Variants in BRWD1 observed in about 807,000 individuals in gnomAD.
The protein encoded by BRWD1 is bromodomain and WD repeat-containing protein 1.
BRWD1 carries 82 observed loss-of-function variants against 251.2 expected under a neutral mutation model. The ratio of observed to expected loss-of-function variants is 0.33; its 90% CI spans 0.27 to 0.39. The LOEUF (loss-of-function observed/expected upper bound fraction) is 0.39, where lower values mean the gene tolerates loss of function less well. Ranked by LOEUF, BRWD1 falls within the 10% of genes least tolerant of loss-of-function variation. BRWD1 has a pLI of 1.00. For missense variants in BRWD1, 2,233 were observed against 2,711.6 expected (o/e 0.82, Z 3.92); for synonymous variants, 918 against 902.8 (o/e 1.02, Z -0.30).
chr21:39,294,693 T>C (rs966015450), intron 7 of BRWD1, among the ~76,000 whole-genome samples: 10 of 150,298 alleles, frequency 6.7e-5, no homozygotes, highest in African/African-American at 2.2e-4. Flanking sequence ...TCAAGCTATA[T>C]AATGTGATGA....
intron 40 of BRWD1, 26 bp downstream of exon 40, chr21:39,198,737 G>T: frequency 6.5e-7 from 1 of 1,530,846 alleles, no homozygotes; most frequent in South Asian, 1.3e-5. Flanking sequence ...GTCAATCAGT[G>T]AACAAAGATA....
At chr21:39,286,240 C>T (rs2035634736) in intron 8 of BRWD1, among the ~76,000 whole-genome samples, 1 of 151,864 alleles carries the variant, frequency 6.6e-6, no homozygotes, top group Admixed American at 6.6e-5. Context: ...GGATGGTCTC[C>T]ATCTGCTGAC....
In BRWD1 at chr21:39,277,448, A is replaced by G. The variant is rs187495402; in HGVS notation, c.1004-97T>C. 4.0e-6 allele frequency: 3 copies of G among 746,236 alleles called. No homozygotes were observed. The East Asian group carries it at 9.4e-5, about 23-fold the overall frequency. 46.2% of individuals were successfully genotyped at this position (746,236 alleles called of 1,614,324 possible). ...AAAATATAAAAAAGAAAGATCATTT[A>G]CCCTAAAACTAAGTTTATCTCAACA... On this transcript the variant is annotated intron_variant, in intron 10 of 40. Coordinates refer to ENST00000342449, the MANE Select transcript of BRWD1 (RefSeq NM_033656.4).
rs777983274 is a variant in BRWD1, at chr21:39,293,804, A to C, written c.831+7T>G. 11 of 1,610,850 alleles carry C rather than the reference A, an allele frequency of 6.8e-6. No individual in the cohort carries two copies. The highest frequency in any genetic ancestry group is 1.7e-4 in the Middle Eastern group (1 of 6,060). ...ATAGGAATGTGCCCACTAAGCTACA[A>C]GTTTACCTGTAAAGATGTAATTGAT... On this transcript the variant is annotated splice_region_variant and intron_variant, in intron 8 of 40. Transcript: ENST00000342449.
Position 39,265,000 on chromosome 21 carries a change from C to T in BRWD1, c.1550G>A (p.Gly517Glu). The change falls in exon 16 of 41, where the codon GGA (glycine) becomes GAA (glutamate). Residue 517 changes from glycine to glutamate, a missense_variant. This residue lies in a region of BRWD1 where 315 missense variants were observed against 421.8 expected (regional missense o/e 0.75). Transcript: ENST00000342449. ...YFNMIEGQGH[G>E]AVFDCKFSQD... ...TGAAAACTTACAGTCAAACACAGCT[C>T]CATGTCCTTGTCCTTCAATCTAGGA... is the stretch of plus-strand genomic sequence containing the variant. 1 of 1,613,522 alleles carries T rather than the reference C, an allele frequency of 6.2e-7. No homozygotes were observed.
chr21:39,248,452 C>T (rs1397839059), intron 20 of BRWD1, among the ~76,000 whole-genome samples: 1 of 151,292 alleles, frequency 6.6e-6, no homozygotes, highest in Non-Finnish European at 1.5e-5. Flanking sequence ...CCCTAAAAAA[C>T]AACAAAAACA....
chr21:39,196,932 C>G lies in BRWD1; in HGVS notation c.6137G>C (p.Ser2046Thr). ...TTCTCCTGAAGATGTAACAGAGGAA[C>G]TTTTTCTTTTAGAAGGTGCATCTAT... Reference protein sequence around the residue: ...HKIDAPSKRKSSSVTSSGEDS... With the variant: ...HKIDAPSKRKTSSVTSSGEDS... Residue 2046 changes from serine (S) to threonine (T), a missense_variant, in exon 41 of 41, where the codon AGT becomes ACT. Physicochemically the swap from Ser to Thr is moderately conservative, Grantham distance 58. Around this residue, in one of 12 missense-constraint regions of BRWD1, gnomAD observed 928 missense variants for 970.0 expected, o/e 0.96. Coordinates refer to ENST00000342449, the MANE Select transcript of BRWD1 (RefSeq NM_033656.4). 6.2e-7 allele frequency: 1 copy of G among 1,613,796 alleles called. No individual in the cohort carries two copies. The highest frequency in any genetic ancestry group is 2.2e-5 in the East Asian group (1 of 44,880).
At chr21:39,289,753 G>A (rs536159377) in intron 8 of BRWD1, among the ~76,000 whole-genome samples, 16 of 151,766 alleles carry the variant, frequency 1.1e-4, no homozygotes, top group Non-Finnish European at 1.6e-4. Context: ...GGCCGGGCAC[G>A]GTGGCTCACG....
intron 23 of BRWD1, 87 bp from the exon 24 acceptor site, chr21:39,232,585 T>C: frequency 6.8e-7 from 1 of 1,470,192 alleles, no homozygotes; most frequent in Non-Finnish European, 9.1e-7. Context: ...ACTTTCACCA[T>C]TCAGAATGAC....
At chr21:39,225,761 C>T (rs1169710537) in intron 27 of BRWD1, among the ~76,000 whole-genome samples, 1 of 152,140 alleles carries the variant, frequency 6.6e-6, no homozygotes, top group Non-Finnish European at 1.5e-5. Context: ...ACTAGACCTA[C>T]ATGTTTTAGT....
At chr21:39,224,219 C>T (rs2033292317) in intron 29 of BRWD1, among the ~76,000 whole-genome samples, 189 bp downstream of exon 29, 1 of 152,146 alleles carries the variant, frequency 6.6e-6, no homozygotes, top group Admixed American at 6.5e-5. Flanking sequence ...CAAAATCAAG[C>T]TGGAATCTAA....
rs1396725584 is a variant in BRWD1 at position 39,191,564 on chromosome 21, A to AT, written c.*4694dup. 2 of 984,328 alleles carry AT rather than the reference A, an allele frequency of 2.0e-6. No homozygotes were observed. Among genetic ancestry groups the AT allele is most frequent in the Non-Finnish European group, 1.2e-6 (1 of 829,134 alleles). 61.0% of individuals were successfully genotyped at this position (984,328 alleles called of 1,614,324 possible). On this transcript the variant is annotated 3_prime_UTR_variant, in exon 41 of 41. Transcript: ENST00000342449. ...AAGATCTGCTTGACAGGCTCATGTA[A>AT]TTTTTTGATTGGGATTTTGTAGGTG...
At chr21:39,237,933 T>A (rs1326781955) in intron 22 of BRWD1, among the ~76,000 whole-genome samples, 1 of 152,000 alleles carries the variant, frequency 6.6e-6, no homozygotes, top group African/African-American at 2.4e-5. Flanking sequence ...TATGTGATAA[T>A]GGTTTGAACC....
At position 39,218,546 on chromosome 21, in the gene BRWD1, C is replaced by G; in HGVS notation, c.3497G>C (p.Cys1166Ser). The change falls in exon 30 of 41, where the codon TGT becomes TCT. Residue 1166 changes from cysteine (C) to serine (S), a missense_variant. By Grantham distance (112) the Cys-to-Ser change is moderately radical. This residue lies in a region of BRWD1 where 139 missense variants were observed against 272.8 expected (regional missense o/e 0.51). Transcript: ENST00000342449. ...EWGQKSRDEE[C>S]DRIISGIDQL... ...ATCTATACCACTGATAATTCTATCACATTCTTCATCTCTTGATTTCTGACC... is the reference window on the plus strand; with the variant it reads ...ATCTATACCACTGATAATTCTATCAGATTCTTCATCTCTTGATTTCTGACC... The G allele has an allele frequency of 6.2e-7, 1 of 1,611,314 alleles. No individual in the cohort carries two copies. Among genetic ancestry groups the G allele is most frequent in the Non-Finnish European group, 8.5e-7 (1 of 1,179,352 alleles).
rs1174637913 is a variant in BRWD1 at position 39,186,573 on chromosome 21, T to C, written c.*9686A>G. Reference sequence around the variant, plus strand: ...TTAGCACTTCCTTTGGAAAAATGCCTGATTTTTTTTCCTCATGACACCATA... The same window carrying C: ...TTAGCACTTCCTTTGGAAAAATGCCCGATTTTTTTTCCTCATGACACCATA... On this transcript the variant is annotated 3_prime_UTR_variant, in exon 41 of 41. Coordinates refer to ENST00000342449, the MANE Select transcript of BRWD1 (RefSeq NM_033656.4). The C allele has an allele frequency of 6.6e-6, 1 of 152,490 alleles. No homozygotes were observed. Among genetic ancestry groups the C allele is most frequent in the Non-Finnish European group, 1.5e-5 (1 of 68,256 alleles). The allele number at this position is 152,490 out of a possible 1,614,324, so 9.4% of individuals were successfully genotyped here. A position where few individuals can be genotyped will look rare whatever the true frequency, so the allele number is the denominator to read the frequency against.
intron 9 of BRWD1, among the ~76,000 whole-genome samples, chr21:39,279,378 C>T (rs188897583): frequency 6.6e-6 from 1 of 152,238 alleles, no homozygotes; most frequent in East Asian, 1.9e-4. Context: ...GTGGCTCACG[C>T]CTGTGATCCC....
intron 33 of BRWD1, among the ~76,000 whole-genome samples, chr21:39,213,186 T>C (rs2032739044): frequency 6.6e-6 from 1 of 152,212 alleles, no homozygotes; most frequent in Non-Finnish European, 1.5e-5. Context: ...ATTACAGGTG[T>C]GAGCCACTGT....
chr21:39,274,568 G>C, intron 12 of BRWD1, 96 bp from the exon 13 acceptor site: 1 of 988,310 alleles, frequency 1.0e-6, no homozygotes, highest in South Asian at 1.3e-5. Flanking sequence ...TAATGAAGCT[G>C]TCCTAACAAC....
At position 39,274,416 on chromosome 21, in the gene BRWD1, T is replaced by G. The variant is rs747069676; in HGVS notation, c.1202A>C (p.Glu401Ala). ...CATATCCAATAAAATGCTCCTCCAT[T>G]CTAACTGCTCAAATCTCCAAATCCG... ...TARIWRFEQL[E>A]WRSILLDMAT... The change falls in exon 13 of 41, where the codon GAA becomes GCA. Residue 401 changes from glutamate to alanine, a missense_variant. Physicochemically the swap from Glu to Ala is moderately radical, Grantham distance 107 (BLOSUM62 -1). This residue lies in a region of BRWD1 where 315 missense variants were observed against 421.8 expected (regional missense o/e 0.75). Transcript: ENST00000342449. 1 of 1,614,002 alleles carries G rather than the reference T, an allele frequency of 6.2e-7. No individual in the cohort carries two copies. Among genetic ancestry groups the G allele is most frequent in the Middle Eastern group, 1.7e-4 (1 of 6,060 alleles).
Sources: allele counts gnomAD v4.1 joint callset (sites outside exome capture counted in the v4.1 genomes callset), GRCh38; gene constraint gnomAD v4.1.1; regional missense constraint gnomAD v4.1.1; transcripts MANE v1.5; gene names NCBI Gene and HGNC (gene_info 2026-07-23, HGNC 2026-07-21).